The following ACYP2 variants were observed in gnomAD, a reference collection of about 807,000 sequenced individuals.
ACYP2 encodes acylphosphatase 2, also known as acylphosphatase-2.
In ACYP2, 12 loss-of-function variants were observed where a neutral mutation model predicts 11.2. That is an observed-to-expected ratio of 1.08 (90% CI 0.69 to 1.74). The LOEUF (loss-of-function observed/expected upper bound fraction) is 1.74. Ranked by LOEUF, ACYP2 falls within the 40% of genes most tolerant of loss-of-function variation. The probability of loss-of-function intolerance (pLI) is 0.00; values close to 1 mark genes in which losing one functional copy is unlikely to be tolerated. For missense variants in ACYP2, 134 were observed against 101.9 expected (o/e 1.31, Z -1.35); for synonymous variants, 43 against 32.2 (o/e 1.33, Z -1.13).
chr2:54,115,307 C>T, intron 4 of ACYP2: 1 of 479,774 alleles, frequency 2.1e-6, no homozygotes, highest in African/African-American at 2.0e-5. Flanking sequence ...TTTTATTTGT[C>T]AATTACACTT....
intron 4 of ACYP2, among the ~76,000 whole-genome samples, chr2:54,108,623 C>A (rs890961487): frequency 4.6e-5 from 7 of 152,008 alleles, no homozygotes; most frequent in Admixed American, 2.6e-4. Context: ...TGGTGGCTGG[C>A]CCTTTTTCCC....
At chr2:53,979,021 C>T (rs1671625356) in intron 2 of ACYP2, among the ~76,000 whole-genome samples, 2 of 151,844 alleles carry the variant, frequency 1.3e-5, no homozygotes, top group Admixed American at 6.6e-5. Context: ...CTATACTATA[C>T]CTTGTATTGT....
At chr2:54,015,624 G>A (rs1345589466) in intron 2 of ACYP2, among the ~76,000 whole-genome samples, 1 of 148,562 alleles carries the variant, frequency 6.7e-6, no homozygotes, top group Non-Finnish European at 1.5e-5. Flanking sequence ...ACTCCAGCCT[G>A]GGCAACAGAG....
chr2:54,077,764 C>G (rs935516783), intron 4 of ACYP2, among the ~76,000 whole-genome samples: 4 of 152,186 alleles, frequency 2.6e-5, no homozygotes, highest in African/African-American at 9.7e-5. Context: ...AAGGCTGTGA[C>G]TTTCCTAAGG....
At position 54,154,850 on chromosome 2, in the gene ACYP2, A is replaced by G. The variant is rs115724972; in HGVS notation, c.404+16102A>G. 5.9e-3 allele frequency among the ~76,000 whole-genome samples: 901 copies of G among 152,300 alleles called. 10 individuals are homozygous for G. The highest frequency in any genetic ancestry group is 0.021 in the African/African-American group (859 of 41,568). ...TTGGAAGAGTTCAAAAAGGATTGATATTAGTTTAAATGTTTGGCAGAATTC... is the reference window on the plus strand; with the variant it reads ...TTGGAAGAGTTCAAAAAGGATTGATGTTAGTTTAAATGTTTGGCAGAATTC... On this transcript the variant is annotated intron_variant, in intron 6 of 6. Transcript: ENST00000607452.
chr2:54,264,880 A>T (rs1473797500), intron 6 of ACYP2, among the ~76,000 whole-genome samples: 1 of 152,228 alleles, frequency 6.6e-6, no homozygotes, highest in African/African-American at 2.4e-5. Flanking sequence ...GCATTAAAGT[A>T]TAGAAAACAG....
chr2:54,188,415 T>G (rs1339948335), intron 6 of ACYP2, among the ~76,000 whole-genome samples: 5 of 152,164 alleles, frequency 3.3e-5, no homozygotes, highest in Non-Finnish European at 5.9e-5. Context: ...TTAAAATGTT[T>G]AAGGAAATTA....
intron 6 of ACYP2, among the ~76,000 whole-genome samples, chr2:54,215,417 G>A (rs1414613212): frequency 6.6e-6 from 1 of 152,046 alleles, no homozygotes; most frequent in African/African-American, 2.4e-5. Flanking sequence ...TTTGAAGTAT[G>A]TTCCTTTGAT....
intron 6 of ACYP2, among the ~76,000 whole-genome samples, chr2:54,165,866 C>T (rs942716447): frequency 6.6e-6 from 1 of 152,088 alleles, no homozygotes; most frequent in African/African-American, 2.4e-5. Context: ...CAATGATTAC[C>T]GGCCATTTTA....
At chr2:54,202,893 T>A (rs1173706060) in intron 6 of ACYP2, among the ~76,000 whole-genome samples, 2 of 151,934 alleles carry the variant, frequency 1.3e-5, no homozygotes, top group Non-Finnish European at 2.9e-5. Flanking sequence ...GTTTTCAAAT[T>A]GAAAAGAGTG....
chr2:54,065,614 A>G (rs1240094714), intron 4 of ACYP2: 1 of 397,808 alleles, frequency 2.5e-6, no homozygotes, highest in East Asian at 3.6e-5. Flanking sequence ...GGTGTGAGTA[A>G]GTGGAAAGCC....
At chr2:54,246,952 G>C (rs1686982212) in intron 6 of ACYP2, among the ~76,000 whole-genome samples, 1 of 152,110 alleles carries the variant, frequency 6.6e-6, no homozygotes, top group South Asian at 2.1e-4. Context: ...TAGGATAAAA[G>C]CTCTAAAAGG....
chr2:54,300,784 C>A, intron 6 of ACYP2, among the ~76,000 whole-genome samples: 1 of 152,190 alleles, frequency 6.6e-6, no homozygotes, highest in East Asian at 1.9e-4. Flanking sequence ...GTTGCCCTTT[C>A]AAAAAGCTGT....
intron 6 of ACYP2, among the ~76,000 whole-genome samples, chr2:54,227,167 C>G (rs1250387853): frequency 6.6e-6 from 1 of 152,138 alleles, no homozygotes. Flanking sequence ...CAGTCTTAAA[C>G]CTGTGTATGT....
intron 6 of ACYP2, among the ~76,000 whole-genome samples, chr2:54,259,650 A>G (rs1687697528): frequency 6.6e-6 from 1 of 151,196 alleles, no homozygotes; most frequent in South Asian, 2.1e-4. Context: ...CTTTCAGTGG[A>G]GTGGTGGGGG....
intron 6 of ACYP2, among the ~76,000 whole-genome samples, chr2:54,147,012 T>C (rs1681924897): frequency 6.6e-6 from 1 of 152,020 alleles, no homozygotes; most frequent in Admixed American, 6.6e-5. Context: ...GCCAGGCTGG[T>C]CTCAAACTCC....
chr2:54,088,553 G>C lies in ACYP2; in HGVS notation c.277+31193G>C, dbSNP rs530509497. Among the ~76,000 whole-genome samples the C allele has an allele frequency of 3.3e-5, 5 of 152,328 alleles. No individual in the cohort carries two copies. In the South Asian group the frequency reaches 1.0e-3, roughly 32 times the overall value. On this transcript the variant is annotated intron_variant, in intron 4 of 6. Transcript: ENST00000607452. Reference sequence around the variant, plus strand: ...TAACTGGCAAACTGAGCCTGGGGTGGAGGTGGAGGGAGAGAAGACAACCAC... The same window carrying C: ...TAACTGGCAAACTGAGCCTGGGGTGCAGGTGGAGGGAGAGAAGACAACCAC...
chr2:54,152,406 G>A (rs998428265), intron 6 of ACYP2, among the ~76,000 whole-genome samples: 1 of 152,160 alleles, frequency 6.6e-6, no homozygotes. Flanking sequence ...TTACTGGCAT[G>A]AGCCACTGTG....
At chr2:54,266,896 A>G (rs757759656) in intron 6 of ACYP2, among the ~76,000 whole-genome samples, 13 of 151,968 alleles carry the variant, frequency 8.6e-5, no homozygotes, top group Non-Finnish European at 1.6e-4. Context: ...GGCATGAGCC[A>G]CCGCACCCGG....
Sources: allele counts gnomAD v4.1 joint callset (sites outside exome capture counted in the v4.1 genomes callset), GRCh38; gene constraint gnomAD v4.1.1; transcripts MANE v1.5; gene names NCBI Gene and HGNC (gene_info 2026-07-23, HGNC 2026-07-21).